The following MICAL2 variants were observed in gnomAD, a reference collection of about 807,000 sequenced individuals.
MICAL2 encodes [F-actin]-monooxygenase MICAL2.
Under a neutral mutation model 127.3 loss-of-function variants are expected in MICAL2, and 77 were observed. The observed-to-expected ratio is 0.60, with a 90% confidence interval of 0.50 to 0.73. The LOEUF (loss-of-function observed/expected upper bound fraction) is 0.73. Among genes scored for constraint, MICAL2 ranks in the 30% least tolerant of loss-of-function variants. MICAL2 has a pLI of 0.00. For synonymous variants in MICAL2, 570 were observed against 551.1 expected (o/e 1.03, Z -0.48); for missense variants, 1,351 against 1,434.4 (o/e 0.94, Z 0.94).
intron 6 of MICAL2, among the ~76,000 whole-genome samples, chr11:12,210,603 G>A (rs992526423): frequency 3.3e-5 from 5 of 152,184 alleles, no homozygotes; most frequent in Non-Finnish European, 7.4e-5. Context: ...ATCTGACAGG[G>A]AATGTTTAAG....
At chr11:12,150,659 C>T (rs1853474322) in intron 2 of MICAL2, among the ~76,000 whole-genome samples, 1 of 152,124 alleles carries the variant, frequency 6.6e-6, no homozygotes, top group Non-Finnish European at 1.5e-5. Flanking sequence ...CTATATCCTC[C>T]AGACTAATTA....
At chr11:12,296,361 T>C (rs138280841), downstream of MICAL2, among the ~76,000 whole-genome samples, 1,305 of 151,782 alleles carry the variant, frequency 8.6e-3, 26 homozygotes, top group African/African-American at 0.03. Context: ...AACAGCTGTA[T>C]AGATTAACAA....
chr11:12,213,022 T>A (rs1321586218), intron 6 of MICAL2, among the ~76,000 whole-genome samples: 1 of 152,214 alleles, frequency 6.6e-6, no homozygotes, highest in African/African-American at 2.4e-5. Context: ...CTTTTCCTTT[T>A]GTTTATTGAA....
chr11:12,157,937 A>C (rs1051423901), intron 2 of MICAL2, among the ~76,000 whole-genome samples: 3 of 152,030 alleles, frequency 2.0e-5, no homozygotes, highest in African/African-American at 7.3e-5. Context: ...ACTAAAACCC[A>C]AAAAATAAAT....
chr11:12,221,511 G>T, intron 9 of MICAL2, 133 bp from the exon 10 acceptor site: 1 of 592,424 alleles, frequency 1.7e-6, no homozygotes, highest in Admixed American at 2.8e-5. Flanking sequence ...AGGTAGCAGG[G>T]TCCCTGCCCT....
intron 2 of MICAL2, among the ~76,000 whole-genome samples, chr11:12,148,277 A>T (rs1178864777): frequency 6.6e-6 from 1 of 152,030 alleles, no homozygotes; most frequent in Admixed American, 6.6e-5. Context: ...AGGATGAGCG[A>T]GGTTTGAGAA....
intron 1 of MICAL2, among the ~76,000 whole-genome samples, chr11:12,114,017 T>C (rs1287765414): frequency 6.6e-6 from 1 of 152,254 alleles, no homozygotes; most frequent in Non-Finnish European, 1.5e-5. Context: ...ATGCGAGCTA[T>C]GTCCATGAGG....
In MICAL2 at chr11:12,134,004, C is replaced by G. The variant is rs184247253; in HGVS notation, c.-148-4386C>G. Among the ~76,000 whole-genome samples, 5 of 152,306 alleles carry G rather than the reference C, an allele frequency of 3.3e-5. No homozygotes were observed. In the East Asian group the frequency reaches 9.6e-4, roughly 29 times the overall value. On this transcript the variant is annotated intron_variant, in intron 1 of 27. Coordinates refer to ENST00000683283, the MANE Select transcript of MICAL2 (RefSeq NM_001282663.2). ...CAGGCTCCACTGAAATCAGAGTGTA[C>G]TGAGGAGGTGGTGTGCATGGGGTGG...
At chr11:12,356,931 G>T (rs1438637141) in intron 34 of MICAL2, among the ~76,000 whole-genome samples, 1 of 152,214 alleles carries the variant, frequency 6.6e-6, no homozygotes, top group African/African-American at 2.4e-5. Flanking sequence ...CTGAACAAGG[G>T]CAGGGCAAGA....
At chr11:12,173,104 G>GA (rs1312817355) in intron 3 of MICAL2, among the ~76,000 whole-genome samples, 4 of 152,130 alleles carry the variant, frequency 2.6e-5, no homozygotes, top group Non-Finnish European at 5.9e-5. Flanking sequence ...TTCTTAGAAA[G>GA]ATAAACCGAG....
intron 1 of MICAL2, among the ~76,000 whole-genome samples, chr11:12,130,853 C>T (rs903475628): frequency 6.6e-5 from 10 of 152,166 alleles, no homozygotes; most frequent in African/African-American, 1.9e-4. Context: ...GGCAAACACA[C>T]CTGCTTATGG....
intron 1 of MICAL2, among the ~76,000 whole-genome samples, chr11:12,116,351 ATT>A (rs56280931): frequency 0.2 from 21,061 of 107,040 alleles, 2,121 homozygotes; most frequent in East Asian, 0.27. Flanking sequence ...CTTGATTTTG[ATT>A]TTTTTTTTTT....
intron 9 of MICAL2, 90 bp from the exon 10 acceptor site, chr11:12,221,554 G>T (rs1856820457): frequency 1.1e-6 from 1 of 910,680 alleles, no homozygotes; most frequent in East Asian, 2.5e-5. Flanking sequence ...GCCCTGCACA[G>T]TCCTGGCAAT....
At chr11:12,275,819 C>T (rs537590728), upstream of MICAL2, among the ~76,000 whole-genome samples, 155 of 152,332 alleles carry the variant, frequency 1.0e-3, no homozygotes, top group Non-Finnish European at 1.6e-3. Flanking sequence ...GCCTGGGCAT[C>T]TGGCAGGCTC....
intron 29 of MICAL2, among the ~76,000 whole-genome samples, chr11:12,306,401 TG>T (rs1201786570): frequency 2.0e-5 from 3 of 152,198 alleles, no homozygotes; most frequent in Admixed American, 6.5e-5. Context: ...ATTGACTATA[TG>T]GTCATTTAGG....
At chr11:12,128,747 A>G (rs567588350) in intron 1 of MICAL2, among the ~76,000 whole-genome samples, 12 of 152,312 alleles carry the variant, frequency 7.9e-5, no homozygotes, top group Admixed American at 7.8e-4. Flanking sequence ...TGGTTTCCCA[A>G]AAGGAGCAGA....
chr11:12,333,771 C>A (rs912910114), intron 32 of MICAL2, among the ~76,000 whole-genome samples: 4 of 152,086 alleles, frequency 2.6e-5, no homozygotes, highest in African/African-American at 9.7e-5. Context: ...ATATCACTTA[C>A]ATTAACATCA....
At chr11:12,168,888 A>G (rs1292005069) in intron 3 of MICAL2, among the ~76,000 whole-genome samples, 1 of 146,196 alleles carries the variant, frequency 6.8e-6, no homozygotes, top group East Asian at 2.1e-4. Context: ...TCAAGGCGGC[A>G]GTGAGCTATG....
At chr11:12,210,188 G>T (rs961018282) in intron 6 of MICAL2, among the ~76,000 whole-genome samples, 2 of 152,126 alleles carry the variant, frequency 1.3e-5, no homozygotes, top group Non-Finnish European at 2.9e-5. Context: ...CTGAAGCATA[G>T]TATCTTTCGT....
Sources: gnomAD v4.1 joint callset for allele counts (sites outside exome capture counted in the v4.1 genomes callset) on GRCh38, gnomAD v4.1.1 for gene constraint, MANE v1.5 for transcripts, NCBI Gene and HGNC (gene_info 2026-07-23, HGNC 2026-07-21) for gene names.